CHMP4B: variants seen among roughly 807,000 people sequenced by gnomAD.
CHMP4B encodes SNF7 homolog associated with Alix 1.
A neutral mutation model predicts 25.1 loss-of-function variants in CHMP4B; 1 was observed. The observed-to-expected ratio is 0.04, with a 90% CI of 0.01 to 0.19. The LOEUF (loss-of-function observed/expected upper bound fraction) is 0.19. CHMP4B is among the 10% of genes least tolerant of loss of function. The probability of loss-of-function intolerance (pLI) is 1.00; values close to 1 mark genes in which losing one functional copy is unlikely to be tolerated. For missense variants in CHMP4B, 151 were observed against 289.7 expected (o/e 0.52, Z 3.48); for synonymous variants, 101 against 115.6 (o/e 0.87, Z 0.81).
At chr20:33,819,207 C>T (rs1353405775) in intron 1 of CHMP4B, among the ~76,000 whole-genome samples, 2 of 152,026 alleles carry the variant, frequency 1.3e-5, no homozygotes, top group Non-Finnish European at 2.9e-5. Flanking sequence ...CCACCGTGCC[C>T]GGCCAGTGTT....
intron 1 of CHMP4B, among the ~76,000 whole-genome samples, chr20:33,824,820 T>C (rs1979046693): frequency 7.0e-6 from 1 of 142,042 alleles, no homozygotes; most frequent in South Asian, 2.5e-4. Context: ...TCTCCAGATA[T>C]TGCTGAATGT....
intron 1 of CHMP4B, among the ~76,000 whole-genome samples, chr20:33,814,848 G>A (rs539831152): frequency 4.0e-4 from 61 of 152,190 alleles, no homozygotes; most frequent in African/African-American, 1.3e-3. Flanking sequence ...ACAAGGTCTC[G>A]CTCTGTTGCC....
At chr20:33,852,306 G>T in intron 4 of CHMP4B, 103 bp downstream of exon 4, 1 of 1,394,074 alleles carries the variant, frequency 7.2e-7, no homozygotes, top group Non-Finnish European at 1.0e-6. Flanking sequence ...TTTGTGGTCG[G>T]TTGGCTTTGG....
chr20:33,844,255 G>T (rs1051326058), intron 1 of CHMP4B, among the ~76,000 whole-genome samples: 15 of 152,188 alleles, frequency 9.9e-5, no homozygotes, highest in African/African-American at 3.6e-4. Context: ...CAATTCTGTG[G>T]GTCAGAGGTG....
rs1008712701 is a variant in CHMP4B at position 33,811,403 on chromosome 20, CCCGAGCCGAG to C, written c.-47_-38del. The stretch of plus-strand genomic sequence containing the variant: ...GACTGGGAGCGGGCGCCGGAGCCGA[CCCGAGCCGAG>C]CCGAGCCGAGCCGAGCCGGAGCGGG... On this transcript the variant is annotated 5_prime_UTR_variant, in exon 1 of 5. Coordinates refer to ENST00000217402, the MANE Select transcript of CHMP4B (RefSeq NM_176812.5). The C allele has an allele frequency of 1.2e-4, 159 of 1,330,442 alleles. No homozygotes were observed. Among genetic ancestry groups the C allele is most frequent in the Admixed American group, 1.0e-3 (26 of 25,496 alleles). 82.4% of individuals were successfully genotyped at this position (1,330,442 alleles called of 1,614,324 possible).
chr20:33,818,892 T>G (rs1445160338), intron 1 of CHMP4B, among the ~76,000 whole-genome samples: 1 of 152,192 alleles, frequency 6.6e-6, no homozygotes, highest in Non-Finnish European at 1.5e-5. Flanking sequence ...TGTGCTCCTG[T>G]TCACCAGTGT....
At chr20:33,824,568 C>G (rs1017728093) in intron 1 of CHMP4B, among the ~76,000 whole-genome samples, 1 of 152,234 alleles carries the variant, frequency 6.6e-6, no homozygotes, top group East Asian at 1.9e-4. Context: ...TTCATTCATT[C>G]AATTCGCTAC....
chr20:33,852,253 T>TG, intron 4 of CHMP4B, 50 bp downstream of exon 4: 2 of 1,612,346 alleles, frequency 1.2e-6, no homozygotes, highest in African/African-American at 2.7e-5. Context: ...TGGCAGGTGA[T>TG]CTTGTGGTCG....
intron 1 of CHMP4B, among the ~76,000 whole-genome samples, chr20:33,836,696 G>T (rs1366877005): frequency 2.6e-5 from 4 of 152,054 alleles, no homozygotes; most frequent in Non-Finnish European, 5.9e-5. Context: ...ATGAACTCCA[G>T]CTGCGTTGGT....
chr20:33,811,450 G>C lies in CHMP4B; in HGVS notation c.-19G>C, dbSNP rs1316689155. 1 of 1,495,628 alleles carries C rather than the reference G, an allele frequency of 6.7e-7. No individual in the cohort carries two copies. The highest frequency in any genetic ancestry group is 8.9e-7 in the Non-Finnish European group (1 of 1,120,922). 92.6% of individuals were successfully genotyped at this position (1,495,628 alleles called of 1,614,324 possible). Reference sequence around the variant, plus strand: ...CGAGCCGGAGCGGGCGGCGAAGGCCGGCGCGGCGAGCAGCAACCATGTCGG... The same window carrying C: ...CGAGCCGGAGCGGGCGGCGAAGGCCCGCGCGGCGAGCAGCAACCATGTCGG... On this transcript the variant is annotated 5_prime_UTR_variant, in exon 1 of 5. Transcript: ENST00000217402.
chr20:33,826,196 CT>C (rs373607777), intron 1 of CHMP4B, among the ~76,000 whole-genome samples: 4 of 152,124 alleles, frequency 2.6e-5, no homozygotes, highest in African/African-American at 9.7e-5. Context: ...TGAATTCCAG[CT>C]GGGAGACTCT....
intron 1 of CHMP4B, among the ~76,000 whole-genome samples, chr20:33,831,054 C>T (rs1979234267): frequency 1.3e-5 from 2 of 150,772 alleles, no homozygotes; most frequent in African/African-American, 4.9e-5. Flanking sequence ...GATCCTCCCA[C>T]CTCAGCCTCC....
chr20:33,813,535 G>A (rs1978699056), intron 1 of CHMP4B, among the ~76,000 whole-genome samples: 1 of 152,152 alleles, frequency 6.6e-6, no homozygotes, highest in Admixed American at 6.5e-5. Flanking sequence ...GATGGGAACA[G>A]GGTTATATTT....
intron 1 of CHMP4B, among the ~76,000 whole-genome samples, chr20:33,847,871 G>C (rs1979730323): frequency 6.6e-6 from 1 of 152,130 alleles, no homozygotes; most frequent in Non-Finnish European, 1.5e-5. Flanking sequence ...TACTTTTCGG[G>C]AGCATTGTAA....
chr20:33,813,353 G>A (rs568071465), intron 1 of CHMP4B, among the ~76,000 whole-genome samples: 6 of 152,194 alleles, frequency 3.9e-5, no homozygotes, highest in Admixed American at 3.9e-4. Context: ...CAAGTGGATG[G>A]AAAGTTTTTG....
chr20:33,853,666 G>A lies in CHMP4B; in HGVS notation c.*106G>A, dbSNP rs899365702. 2.4e-5 allele frequency: 22 copies of A among 908,740 alleles called. No homozygotes were observed. The highest frequency in any genetic ancestry group is 3.3e-5 in the Non-Finnish European group (19 of 571,300). The allele number at this position is 908,740 out of a possible 1,614,324, so 56.3% of individuals were successfully genotyped here. On this transcript the variant is annotated 3_prime_UTR_variant, in exon 5 of 5. Transcript: ENST00000217402. Reference sequence around the variant, plus strand: ...GGATGTGGTGCAGGCAGGTTCCATCGCTTTCGACTCTCACTCCAAAGCAGT... The same window carrying A: ...GGATGTGGTGCAGGCAGGTTCCATCACTTTCGACTCTCACTCCAAAGCAGT...
chr20:33,851,140 G>A (rs1446843373), intron 3 of CHMP4B, 74 bp downstream of exon 3: 2 of 947,112 alleles, frequency 2.1e-6, no homozygotes, highest in Non-Finnish European at 3.5e-6. Flanking sequence ...TGCTCTTGAA[G>A]GCTCTCAGGC....
At chr20:33,814,528 T>C (rs1375756725) in intron 1 of CHMP4B, among the ~76,000 whole-genome samples, 1 of 152,110 alleles carries the variant, frequency 6.6e-6, no homozygotes, top group Non-Finnish European at 1.5e-5. Flanking sequence ...TGGGTGTGTT[T>C]GGGAGGCAGT....
chr20:33,827,266 C>T (rs934011334), intron 1 of CHMP4B, among the ~76,000 whole-genome samples: 1 of 152,174 alleles, frequency 6.6e-6, no homozygotes, highest in Admixed American at 6.6e-5. Flanking sequence ...TTTGTTTTGT[C>T]AACAACAAAA....
Sources: gnomAD v4.1 joint callset for allele counts (sites outside exome capture counted in the v4.1 genomes callset) on GRCh38, gnomAD v4.1.1 for gene constraint, MANE v1.5 for transcripts, NCBI Gene and HGNC (gene_info 2026-07-23, HGNC 2026-07-21) for gene names.